Variants in COL5A2 observed in about 807,000 individuals in gnomAD.
COL5A2 encodes collagen type V alpha 2 chain.
Under a neutral mutation model 208.2 loss-of-function variants are expected in COL5A2, and 23 were observed. The observed-to-expected ratio is 0.11, with a 90% CI of 0.08 to 0.16. The LOEUF (loss-of-function observed/expected upper bound fraction) is 0.16, where lower values mean the gene tolerates loss of function less well. Among genes scored for constraint, COL5A2 ranks in the 10% least tolerant of loss-of-function variants. The pLI, the probability that COL5A2 is intolerant of heterozygous loss-of-function variation, is 1.00. For missense variants in COL5A2, 1,590 were observed against 1,956.4 expected, an observed-to-expected ratio of 0.81 and a Z score of 3.53; for synonymous variants, 625 against 628.5, an observed-to-expected ratio of 0.99 and a Z score of 0.08.
At chr2:189,042,408 C>T (rs10194927) in intron 49 of COL5A2, among the ~76,000 whole-genome samples, 14,628 of 152,154 alleles carry the variant, frequency 0.096, 739 homozygotes, top group South Asian at 0.15. Flanking sequence ...AATGCTATTA[C>T]ATCATCTCAA....
chr2:189,057,606 A>G (rs1280315691), intron 33 of COL5A2, among the ~76,000 whole-genome samples, 179 bp from the exon 34 acceptor site: 2 of 152,182 alleles, frequency 1.3e-5, no homozygotes, highest in Non-Finnish European at 2.9e-5. Context: ...TAAAAAAACC[A>G]GATTTTGTTT....
At chr2:189,070,967 T>A (rs12622083) in intron 18 of COL5A2, among the ~76,000 whole-genome samples, 93,400 of 152,126 alleles carry the variant, frequency 0.61, 33,860 homozygotes, top group Non-Finnish European at 0.81. Flanking sequence ...GAATATGTCA[T>A]TAGAGAGAGC....
intron 8 of COL5A2, among the ~76,000 whole-genome samples, chr2:189,088,181 G>A (rs552509367): frequency 2.1e-4 from 32 of 152,266 alleles, no homozygotes; most frequent in African/African-American, 7.5e-4. Flanking sequence ...AAAAATGGGA[G>A]TCTTTCTGAT....
chr2:189,075,763 T>C (rs1686390915), intron 16 of COL5A2, among the ~76,000 whole-genome samples: 1 of 152,188 alleles, frequency 6.6e-6, no homozygotes, highest in Non-Finnish European at 1.5e-5. Flanking sequence ...CTCAGTATTC[T>C]TAATAGCCAG....
At chr2:189,087,051 T>C (rs1388265153) in intron 8 of COL5A2, among the ~76,000 whole-genome samples, 3 of 152,226 alleles carry the variant, frequency 2.0e-5, no homozygotes, top group Non-Finnish European at 2.9e-5. Context: ...CACTTGCATG[T>C]TTAATGGATG....
intron 1 of COL5A2, among the ~76,000 whole-genome samples, chr2:189,187,968 C>CAAAAAAAAAA (rs71020986): frequency 7.2e-6 from 1 of 139,690 alleles, no homozygotes. Flanking sequence ...GACTCTGTCT[C>CAAAAAAAAAA]AAAAAAAAAA....
chr2:189,278,894 C>A, the COL5A2 span, among the ~76,000 whole-genome samples: 3 of 151,896 alleles, frequency 2.0e-5, no homozygotes, highest in African/African-American at 7.2e-5. Context: ...GTTTTCATAA[C>A]TATCATCTCT....
the COL5A2 span, among the ~76,000 whole-genome samples, chr2:189,295,114 C>G: frequency 0.037 from 5,614 of 152,262 alleles, 118 homozygotes; most frequent in Admixed American, 0.05. Flanking sequence ...CAGCTACACA[C>G]TTTCTTTTAT....
At chr2:189,129,814 C>T (rs940037398) in intron 1 of COL5A2, among the ~76,000 whole-genome samples, 1 of 151,856 alleles carries the variant, frequency 6.6e-6, no homozygotes, top group East Asian at 1.9e-4. Flanking sequence ...GGAGGTTTAC[C>T]GTAATATAAA....
the COL5A2 span, among the ~76,000 whole-genome samples, chr2:189,437,108 A>C: frequency 2.2e-4 from 33 of 152,328 alleles, no homozygotes; most frequent in Admixed American, 5.2e-4. Context: ...TACTGATTAT[A>C]AGCAGAATGA....
At chr2:189,143,776 C>A (rs1414248075) in intron 1 of COL5A2, among the ~76,000 whole-genome samples, 5 of 152,002 alleles carry the variant, frequency 3.3e-5, no homozygotes, top group African/African-American at 1.2e-4. Context: ...AAAGACTTCA[C>A]AGGGGAAACA....
intron 1 of COL5A2, among the ~76,000 whole-genome samples, chr2:189,162,383 A>C (rs1405128369): frequency 6.6e-6 from 1 of 152,216 alleles, no homozygotes; most frequent in East Asian, 1.9e-4. Flanking sequence ...AAGCAAGTTG[A>C]AATCTCCATC....
intron 1 of COL5A2, among the ~76,000 whole-genome samples, chr2:189,174,884 A>G (rs2105823951): frequency 6.6e-6 from 1 of 152,370 alleles, no homozygotes; most frequent in East Asian, 1.9e-4. Flanking sequence ...TTTAGTTTGA[A>G]TAGAAGTTAT....
Position 189,052,233 on chromosome 2 carries a change from C to A in COL5A2, c.2716-8G>T. ...AGGAAATCCTGTAGCACCCTAGAAC[C>A]AGAATATCATATAAGCAATTTTTAA... On this transcript the variant is annotated splice_region_variant and splice_polypyrimidine_tract_variant and intron_variant, in intron 40 of 53. Coordinates refer to ENST00000374866, the MANE Select transcript of COL5A2 (RefSeq NM_000393.5). 1 of 1,613,458 alleles carries A rather than the reference C, an allele frequency of 6.2e-7. No homozygotes were observed. Among genetic ancestry groups the A allele is most frequent in the Non-Finnish European group, 8.5e-7 (1 of 1,179,558 alleles).
In COL5A2 at chr2:189,086,253, T is replaced by C. The variant is rs141404203; in HGVS notation, c.690+473A>G. Reference sequence around the variant, plus strand: ...TTGCTATAATAAATAAAAATAGTTCTACATCACTATTTTACTGGCATCTGA... The same window carrying C: ...TTGCTATAATAAATAAAAATAGTTCCACATCACTATTTTACTGGCATCTGA... On this transcript the variant is annotated intron_variant, in intron 9 of 53. Transcript: ENST00000374866. 7.1e-3 allele frequency among the ~76,000 whole-genome samples: 1,076 copies of C among 152,326 alleles called. 13 individuals carry two copies. Among genetic ancestry groups the C allele is most frequent in the African/African-American group, 0.024 (993 of 41,572 alleles).
chr2:189,311,864 G>A, the COL5A2 span: 1 of 1,290,422 alleles, frequency 7.7e-7, no homozygotes, highest in Non-Finnish European at 1.1e-6. Context: ...GGCAATCTGG[G>A]CTTGTAGGCC....
the COL5A2 span, among the ~76,000 whole-genome samples, chr2:189,281,212 A>T: frequency 6.6e-6 from 1 of 152,192 alleles, no homozygotes; most frequent in African/African-American, 2.4e-5. Context: ...AACTAAATCA[A>T]GTGCAATGCT....
At chr2:189,329,395 C>T in the COL5A2 span, among the ~76,000 whole-genome samples, 1 of 152,116 alleles carries the variant, frequency 6.6e-6, no homozygotes, top group African/African-American at 2.4e-5. Context: ...ATGTTTTATA[C>T]ATCTATTGTA....
chr2:189,049,375 T>C lies in COL5A2; in HGVS notation c.3119A>G (p.Asn1040Ser), dbSNP rs773168254. The change falls in exon 44 of 54, where the codon AAT (asparagine) becomes AGT (serine). Residue 1040 changes from asparagine (N) to serine (S), a missense_variant. Transcript: ENST00000374866. ...PPGPVGPPGS[N>S]GPVGEPGPEG... ...TGGTCCAGGTTCCCCTACAGGACCA[T>C]TGGAGCCTGGGGGCCCCACAGGTCC... is the stretch of plus-strand genomic sequence containing the variant. 22 of 1,613,152 alleles carry C rather than the reference T, an allele frequency of 1.4e-5. No individual in the cohort carries two copies. The highest frequency in any genetic ancestry group is 1.1e-4 in the South Asian group (10 of 90,802).
Sources: gnomAD v4.1 joint callset for allele counts (sites outside exome capture counted in the v4.1 genomes callset) on GRCh38, gnomAD v4.1.1 for gene constraint, MANE v1.5 for transcripts, NCBI Gene and HGNC (gene_info 2026-07-23, HGNC 2026-07-21) for gene names.